SMARCB1: variants seen among roughly 807,000 people sequenced by gnomAD.
SMARCB1 encodes SWI/SNF-related matrix-associated actin-dependent regulator of chromatin subfamily B member 1.
In SMARCB1, 5 loss-of-function variants were observed where a neutral mutation model predicts 49.0. The observed-to-expected ratio is 0.10, with a 90% CI of 0.05 to 0.21. The LOEUF is 0.21. Ranked by LOEUF, SMARCB1 falls within the 10% of genes least tolerant of loss-of-function variation. The pLI is 1.00. For synonymous variants in SMARCB1, 201 were observed against 200.1 expected, an observed-to-expected ratio of 1.00 and a Z score of -0.04; for missense variants, 226 against 509.2, an observed-to-expected ratio of 0.44 and a Z score of 5.35.
At chr22:23,798,772 C>T (rs927770172) in intron 3 of SMARCB1, among the ~76,000 whole-genome samples, 1 of 152,018 alleles carries the variant, frequency 6.6e-6, no homozygotes, top group African/African-American at 2.4e-5. Context: ...GTTTGTCGGC[C>T]GGGCGCGGTG....
rs1469508474 is a variant in SMARCB1 at position 23,834,233 on chromosome 22, TCTC to T, written c.*58_*60del. 6.5e-6 allele frequency: 10 copies of T among 1,527,128 alleles called. No individual in the cohort carries two copies. The highest frequency in any genetic ancestry group is 6.2e-6 in the Non-Finnish European group (7 of 1,124,660). The allele number at this position is 1,527,128 out of a possible 1,614,324, so 94.6% of individuals were successfully genotyped here. ...GAGCATCTCAGAAGATTGGGCCGCC[TCTC>T]CTCCATCTTCTGGCAAGGACAGAGG... On this transcript the variant is annotated 3_prime_UTR_variant, in exon 9 of 9. Transcript: ENST00000644036.
At chr22:23,808,291 T>G (rs1161394904) in intron 5 of SMARCB1, among the ~76,000 whole-genome samples, 1 of 152,146 alleles carries the variant, frequency 6.6e-6, no homozygotes, top group East Asian at 1.9e-4. Context: ...CGGCTAATTT[T>G]TTGTATTTTT....
chr22:23,837,464 T>C lies in SMARCB1; in HGVS notation c.*3284T>C. The C allele has an allele frequency of 1.5e-6, 1 of 676,380 alleles. No individual in the cohort carries two copies. The highest frequency in any genetic ancestry group is 1.8e-5 in the African/African-American group (1 of 55,276). The allele number at this position is 676,380 out of a possible 1,614,324, so 41.9% of individuals were successfully genotyped here. Reference sequence around the variant, plus strand: ...CGTGCAAGCATCAGTAGATCCGTCCTGACGATGCAAATTATGTGGGCCGGC... The same window carrying C: ...CGTGCAAGCATCAGTAGATCCGTCCCGACGATGCAAATTATGTGGGCCGGC... On this transcript the variant is annotated 3_prime_UTR_variant, in exon 9 of 9. Transcript: ENST00000644036.
At chr22:23,800,792 A>G (rs1379564253) in intron 3 of SMARCB1, 152 bp from the exon 4 acceptor site, 3 of 749,540 alleles carry the variant, frequency 4.0e-6, no homozygotes, top group African/African-American at 3.4e-5. Context: ...CCTGGGGAGC[A>G]GGCTCCTGCA....
At chr22:23,789,010 C>T (rs950308174) in intron 1 of SMARCB1, among the ~76,000 whole-genome samples, 2 of 152,084 alleles carry the variant, frequency 1.3e-5, no homozygotes, top group Admixed American at 6.6e-5. Flanking sequence ...CCACCACACC[C>T]GGCTAATTTT....
At position 23,837,701 on chromosome 22, in the gene SMARCB1, A is replaced by G. The variant is rs568728482; in HGVS notation, c.*3521A>G. On this transcript the variant is annotated 3_prime_UTR_variant, in exon 9 of 9. Coordinates refer to ENST00000644036, the MANE Select transcript of SMARCB1 (RefSeq NM_003073.5). ...ATGGAGTTGCCCAGCAGCAGCGAGA[A>G]GCCCATGAGCGCCCAAGGCAGGAAC... 1 of 1,613,944 alleles carries G rather than the reference A, an allele frequency of 6.2e-7. No homozygotes were observed.
At chr22:23,793,716 T>C (rs1357878624) in intron 3 of SMARCB1, 28 bp downstream of exon 3, 1 of 1,611,360 alleles carries the variant, frequency 6.2e-7, no homozygotes, top group African/African-American at 1.3e-5. Flanking sequence ...AGGGCATCTC[T>C]GGGGACACCT....
At chr22:23,830,039 A>G (rs990293669) in intron 7 of SMARCB1, among the ~76,000 whole-genome samples, 13 of 152,160 alleles carry the variant, frequency 8.5e-5, no homozygotes, top group Non-Finnish European at 5.9e-5. Context: ...GATATACCAC[A>G]TTTTATTCAT....
chr22:23,829,601 T>G (rs1271795591), intron 7 of SMARCB1, among the ~76,000 whole-genome samples: 2 of 152,202 alleles, frequency 1.3e-5, no homozygotes, highest in Admixed American at 1.3e-4. Flanking sequence ...AGCGTAAGCC[T>G]CAGGTTCCTT....
At chr22:23,787,481 C>G (rs1292531209) in intron 1 of SMARCB1, among the ~76,000 whole-genome samples, 1 of 152,236 alleles carries the variant, frequency 6.6e-6, no homozygotes, top group Admixed American at 6.5e-5. Context: ...GGTCCGCCGC[C>G]TTCAGTGCTG....
At chr22:23,803,454 C>G in intron 5 of SMARCB1, 32 bp downstream of exon 5, 1 of 1,612,762 alleles carries the variant, frequency 6.2e-7, no homozygotes, top group African/African-American at 1.3e-5. Context: ...CTGGGCCTGG[C>G]CCCAACCCCT....
chr22:23,800,568 C>T (rs919885919), intron 3 of SMARCB1, among the ~76,000 whole-genome samples: 1 of 152,174 alleles, frequency 6.6e-6, no homozygotes, highest in African/African-American at 2.4e-5. Flanking sequence ...GCTGCCCGTG[C>T]CCCTCCCCGC....
chr22:23,797,609 CTTTTTT>C (rs71184910), intron 3 of SMARCB1, among the ~76,000 whole-genome samples: 1 of 36,292 alleles, frequency 2.8e-5, no homozygotes, highest in African/African-American at 1.4e-4. Context: ...TGCGCCTGGC[CTTTTTT>C]TTTTTTTTTT....
At chr22:23,824,675 G>C (rs1158888073) in intron 6 of SMARCB1, 1 of 167,404 alleles carries the variant, frequency 6.0e-6, no homozygotes, top group Non-Finnish European at 1.3e-5. Flanking sequence ...GTCCTCTGGG[G>C]AATGTGGAGG....
At chr22:23,802,529 C>A (rs1017299930) in intron 4 of SMARCB1, 3 of 156,242 alleles carry the variant, frequency 1.9e-5, no homozygotes, top group African/African-American at 7.3e-5. Flanking sequence ...CACCCCTTTT[C>A]TGCAGCATCC....
intron 6 of SMARCB1, among the ~76,000 whole-genome samples, chr22:23,820,943 C>G (rs936917503): frequency 2.0e-5 from 3 of 152,216 alleles, no homozygotes; most frequent in African/African-American, 7.2e-5. Context: ...CTGGGATTGG[C>G]CACACAAGGG....
At position 23,793,781 on chromosome 22, in the gene SMARCB1, C is replaced by CTT. The variant is rs11413092; in HGVS notation, c.362+109_362+110dup. On this transcript the variant is annotated intron_variant, in intron 3 of 8. Coordinates refer to ENST00000644036, the MANE Select transcript of SMARCB1 (RefSeq NM_003073.5). ...GTTGGGTTGAAGTTAAATTGAAACA[C>CTT]TTTTTTTTTTTTTTTTTGAGATGGA... 95,946 of 746,608 alleles carry CTT rather than the reference C, an allele frequency of 0.13. 360 individuals are homozygous for CTT. The highest frequency in any genetic ancestry group is 0.16 in the East Asian group (5,287 of 33,584). 46.2% of individuals were successfully genotyped at this position (746,608 alleles called of 1,614,324 possible). A position where few individuals can be genotyped will look rare whatever the true frequency, so the allele number is the denominator to read the frequency against.
At chr22:23,830,316 CTGTTCTCTTTT>C (rs1467129814) in intron 7 of SMARCB1, among the ~76,000 whole-genome samples, 2 of 152,178 alleles carry the variant, frequency 1.3e-5, no homozygotes, top group African/African-American at 4.8e-5. Flanking sequence ...CTGGCATTTG[CTGTTCTCTTTT>C]TGATCGTAGC....
chr22:23,789,177 T>C (rs985692695), intron 1 of SMARCB1, among the ~76,000 whole-genome samples: 5 of 152,192 alleles, frequency 3.3e-5, no homozygotes, highest in Non-Finnish European at 7.3e-5. Context: ...ACAAAAAATA[T>C]AGGATTCAAT....
Sources: allele counts gnomAD v4.1 joint callset (sites outside exome capture counted in the v4.1 genomes callset), GRCh38; gene constraint gnomAD v4.1.1; transcripts MANE v1.5; gene names NCBI Gene and HGNC (gene_info 2026-07-23, HGNC 2026-07-21).